TMEM178B: variants seen among roughly 807,000 people sequenced by gnomAD.
The protein encoded by TMEM178B is transmembrane protein 178B.
In TMEM178B, 5 loss-of-function variants were observed where a neutral mutation model predicts 31.0. That is an observed-to-expected ratio of 0.16 (90% CI 0.08 to 0.34). The LOEUF (loss-of-function observed/expected upper bound fraction) is 0.34. Among genes scored for constraint, TMEM178B ranks in the 10% least tolerant of loss-of-function variants. The probability of loss-of-function intolerance (pLI) is 1.00; values close to 1 mark genes in which losing one functional copy is unlikely to be tolerated. For missense variants in TMEM178B, 275 were observed against 400.3 expected (o/e 0.69, Z 2.67); for synonymous variants, 164 against 164.0 (o/e 1.00, Z 0.00).
At chr7:141,482,754 A>G (rs1802499022), downstream of TMEM178B, among the ~76,000 whole-genome samples, 1 of 152,208 alleles carries the variant, frequency 6.6e-6, no homozygotes, top group South Asian at 2.1e-4. Flanking sequence ...GGCAGGGTTC[A>G]GGGGAGACCA....
At chr7:141,316,662 G>C (rs1322575087) in intron 2 of TMEM178B, among the ~76,000 whole-genome samples, 1 of 152,164 alleles carries the variant, frequency 6.6e-6, no homozygotes, top group East Asian at 1.9e-4. Flanking sequence ...TACCTACTAA[G>C]GGCTGAGGAC....
intron 1 of TMEM178B, among the ~76,000 whole-genome samples, chr7:141,163,512 A>ATTT (rs11352984): frequency 2.1e-5 from 3 of 139,890 alleles, no homozygotes; most frequent in Admixed American, 7.2e-5. Context: ...GCAAACAGCA[A>ATTT]TTTTTTTTTT....
chr7:141,212,274 C>A (rs1009884041), intron 1 of TMEM178B, among the ~76,000 whole-genome samples: 2 of 152,154 alleles, frequency 1.3e-5, no homozygotes, highest in African/African-American at 4.8e-5. Context: ...TGTTGATGTC[C>A]TTTGATGCCA....
At chr7:141,319,502 G>A (rs188505101) in intron 2 of TMEM178B, among the ~76,000 whole-genome samples, 128 of 152,262 alleles carry the variant, frequency 8.4e-4, no homozygotes, top group African/African-American at 2.9e-3. Flanking sequence ...GAAGCATGCC[G>A]TTGAAAAACA....
chr7:141,208,012 A>G (rs2129187261), intron 1 of TMEM178B, among the ~76,000 whole-genome samples: 1 of 151,860 alleles, frequency 6.6e-6, no homozygotes, highest in African/African-American at 2.4e-5. Flanking sequence ...CAATATAGTG[A>G]GACCCCCATC....
intron 2 of TMEM178B, among the ~76,000 whole-genome samples, chr7:141,425,693 A>G (rs1415185615): frequency 5.9e-5 from 9 of 152,124 alleles, no homozygotes; most frequent in African/African-American, 1.4e-4. Flanking sequence ...CCCTCCAGGC[A>G]CTTGTGTTAC....
chr7:141,121,095 C>T (rs1033977934), intron 1 of TMEM178B, among the ~76,000 whole-genome samples: 4 of 151,956 alleles, frequency 2.6e-5, no homozygotes, highest in Admixed American at 6.6e-5. Context: ...CCACCCTTCC[C>T]TCTTATTTTC....
chr7:141,402,850 G>A (rs147552112), intron 2 of TMEM178B, among the ~76,000 whole-genome samples: 204 of 152,386 alleles, frequency 1.3e-3, no homozygotes, highest in Non-Finnish European at 2.4e-3. Context: ...TGGCTTAGTA[G>A]CAGAGGGAGT....
chr7:141,136,159 G>A (rs10232772), intron 1 of TMEM178B, among the ~76,000 whole-genome samples: 47,832 of 151,924 alleles, frequency 0.31, 9,299 homozygotes, highest in Non-Finnish European at 0.45. Context: ...AAAACAACTT[G>A]GTGTTGGTAT....
chr7:141,258,470 T>C (rs553157680), intron 2 of TMEM178B, among the ~76,000 whole-genome samples: 1 of 150,834 alleles, frequency 6.6e-6, no homozygotes, highest in East Asian at 1.9e-4. Context: ...GTTTAAATAA[T>C]AAATCTTATG....
At chr7:141,261,191 A>G (rs978557579) in intron 2 of TMEM178B, among the ~76,000 whole-genome samples, 6 of 152,126 alleles carry the variant, frequency 3.9e-5, no homozygotes, top group Non-Finnish European at 8.8e-5. Context: ...TTGGGGCACA[A>G]AGTTTTTAGA....
In TMEM178B at chr7:141,171,329, C is replaced by T. The variant is rs767838973; in HGVS notation, c.383-41262C>T. ...TTTAGACTTTTTACTATGTGATAGG[C>T]AGTGTTCTAAGTGCTTACACACATT... On this transcript the variant is annotated intron_variant, in intron 1 of 3. Transcript: ENST00000565468. This position sits in a 1 kb window ranked among gnomAD's most constrained non-coding sequence, Gnocchi z 4.3. 7.9e-5 allele frequency among the ~76,000 whole-genome samples: 12 copies of T among 152,164 alleles called. No individual in the cohort carries two copies. Among genetic ancestry groups the T allele is most frequent in the Non-Finnish European group, 1.2e-4 (8 of 68,042 alleles).
chr7:141,303,226 G>A (rs765598176), intron 2 of TMEM178B, among the ~76,000 whole-genome samples: 10 of 152,038 alleles, frequency 6.6e-5, no homozygotes, highest in African/African-American at 9.7e-5. Context: ...TCATGTGACC[G>A]TGTAGCTTTT....
At chr7:141,463,244 G>A (rs761669983) in intron 3 of TMEM178B, among the ~76,000 whole-genome samples, 45 of 152,262 alleles carry the variant, frequency 3.0e-4, no homozygotes, top group Middle Eastern at 3.4e-3. Flanking sequence ...CTGCCTGGAG[G>A]ACTGGGTTGA....
chr7:141,401,952 C>G (rs780857650), intron 2 of TMEM178B, among the ~76,000 whole-genome samples: 3 of 152,236 alleles, frequency 2.0e-5, no homozygotes, highest in Non-Finnish European at 1.5e-5. Flanking sequence ...GACCTGCAAT[C>G]AGTCCTTTGC....
intron 3 of TMEM178B, among the ~76,000 whole-genome samples, chr7:141,446,664 T>C (rs572734396): frequency 6.6e-6 from 1 of 152,084 alleles, no homozygotes; most frequent in African/African-American, 2.4e-5. Context: ...ACCAAAAGAG[T>C]CTTGGACTAG....
At chr7:141,444,362 G>A (rs1380937539) in intron 3 of TMEM178B, among the ~76,000 whole-genome samples, 2 of 152,176 alleles carry the variant, frequency 1.3e-5, no homozygotes, top group Non-Finnish European at 2.9e-5. Context: ...TAGGAAAAGT[G>A]AATTGTGTGT....
chr7:141,367,725 T>C (rs1297372072), intron 2 of TMEM178B, among the ~76,000 whole-genome samples: 1 of 152,152 alleles, frequency 6.6e-6, no homozygotes, highest in East Asian at 1.9e-4. Flanking sequence ...CTGAACACTG[T>C]GGAGTATAAC....
chr7:141,186,866 G>A (rs1437113130), intron 1 of TMEM178B, among the ~76,000 whole-genome samples: 1 of 152,186 alleles, frequency 6.6e-6, no homozygotes, highest in African/African-American at 2.4e-5. Flanking sequence ...GCACAGTGGA[G>A]CAGCACAAAT....
Sources: allele counts gnomAD v4.1 joint callset (sites outside exome capture counted in the v4.1 genomes callset), GRCh38; gene constraint gnomAD v4.1.1; non-coding constraint Gnocchi (gnomAD v3.1); transcripts MANE v1.5; gene names NCBI Gene and HGNC (gene_info 2026-07-23, HGNC 2026-07-21).